The following CYRIB variants were observed in gnomAD, a reference collection of about 807,000 sequenced individuals.
CYRIB encodes CYFIP-related Rac1 interactor B.
Under a neutral mutation model 44.2 loss-of-function variants are expected in CYRIB, and 8 were observed. That is an observed-to-expected ratio of 0.18 (90% CI 0.11 to 0.33). CYRIB has a LOEUF of 0.33. Ranked by LOEUF, CYRIB falls within the 10% of genes least tolerant of loss-of-function variation. The probability of loss-of-function intolerance (pLI) is 1.00; values close to 1 mark genes in which losing one functional copy is unlikely to be tolerated. For synonymous variants in CYRIB, 131 were observed against 127.2 expected, an observed-to-expected ratio of 1.03 and a Z score of -0.20; for missense variants, 185 against 382.8, an observed-to-expected ratio of 0.48 and a Z score of 4.31.
chr8:129,928,706 A>G (rs2089545558), intron 1 of CYRIB, among the ~76,000 whole-genome samples: 1 of 152,106 alleles, frequency 6.6e-6, no homozygotes, highest in South Asian at 2.1e-4. Flanking sequence ...AATGGCTTGA[A>G]AAGATGCTCA....
intron 2 of CYRIB, among the ~76,000 whole-genome samples, chr8:129,888,561 G>A (rs2063718403): frequency 6.6e-6 from 1 of 152,134 alleles, no homozygotes. Flanking sequence ...CCTCTTCAGA[G>A]AGAATCCTTG....
intron 1 of CYRIB, among the ~76,000 whole-genome samples, chr8:129,997,164 C>A (rs960055390): frequency 1.4e-5 from 2 of 142,194 alleles, no homozygotes; most frequent in Admixed American, 1.4e-4. Flanking sequence ...AGAGGGAATA[C>A]CAAGTGATCT....
intron 1 of CYRIB, among the ~76,000 whole-genome samples, chr8:129,933,470 A>G (rs896285354): frequency 1.3e-5 from 2 of 152,176 alleles, no homozygotes; most frequent in South Asian, 2.1e-4. Context: ...AGATTAAGCT[A>G]ATAGGGTCTG....
chr8:130,009,415 C>A (rs2056655546), intron 1 of CYRIB, among the ~76,000 whole-genome samples: 1 of 151,998 alleles, frequency 6.6e-6, no homozygotes, highest in Non-Finnish European at 1.5e-5. Flanking sequence ...TTACAGGTGC[C>A]AGCCAACACG....
At chr8:129,919,256 A>G (rs2082301968) in intron 1 of CYRIB, among the ~76,000 whole-genome samples, 3 of 152,236 alleles carry the variant, frequency 2.0e-5, no homozygotes, top group African/African-American at 4.8e-5. Flanking sequence ...TATATATCTG[A>G]TATGTGGTAA....
intron 1 of CYRIB, among the ~76,000 whole-genome samples, chr8:129,931,853 CT>C (rs2091495346): frequency 6.6e-6 from 1 of 152,100 alleles, no homozygotes; most frequent in South Asian, 2.1e-4. Context: ...TCACAAACTC[CT>C]GGCCTCAAGT....
rs372815271 is a variant in CYRIB at position 129,982,707 on chromosome 8, T to C, written c.-295-11712A>G. Among the ~76,000 whole-genome samples the C allele has an allele frequency of 2.5e-3, 376 of 152,336 alleles. 1 individual carries two copies. The highest frequency in any genetic ancestry group is 8.6e-3 in the African/African-American group (358 of 41,576). On this transcript the variant is annotated intron_variant, in intron 1 of 14. Transcript: ENST00000401979. Reference sequence around the variant, plus strand: ...TCTCTAGAAGCAACTAAACCAAATATATGTCCAAATGCGAGAAAAATCTGA... The same window carrying C: ...TCTCTAGAAGCAACTAAACCAAATACATGTCCAAATGCGAGAAAAATCTGA...
chr8:129,986,415 C>T (rs2096458081), intron 1 of CYRIB, among the ~76,000 whole-genome samples: 1 of 152,162 alleles, frequency 6.6e-6, no homozygotes, highest in South Asian at 2.1e-4. Flanking sequence ...CATTTGTCCC[C>T]CTCAAAATTC....
chr8:129,993,861 CAAA>C (rs113438463), intron 1 of CYRIB, among the ~76,000 whole-genome samples: 1 of 140,788 alleles, frequency 7.1e-6, no homozygotes, highest in Non-Finnish European at 1.6e-5. Context: ...GACCCTGTCT[CAAA>C]AAAAAAAAAA....
At chr8:129,979,292 AATAAC>A (rs1428702064) in intron 1 of CYRIB, among the ~76,000 whole-genome samples, 6 of 152,150 alleles carry the variant, frequency 3.9e-5, no homozygotes, top group Admixed American at 2.6e-4. Context: ...GTGCCTTGGA[AATAAC>A]ATAACTGATT....
intron 1 of CYRIB, among the ~76,000 whole-genome samples, chr8:129,938,457 T>C (rs1057500472): frequency 7.2e-5 from 11 of 152,184 alleles, no homozygotes; most frequent in African/African-American, 2.2e-4. Context: ...ATTTTTCACA[T>C]AGAGATTAAG....
rs530925384 is a variant in CYRIB at position 130,005,266 on chromosome 8, A to T, written c.-296+11104T>A. 5.9e-5 allele frequency among the ~76,000 whole-genome samples: 9 copies of T among 152,222 alleles called. No individual in the cohort carries two copies. In the South Asian group the frequency reaches 1.9e-3, roughly 32 times the overall value. On this transcript the variant is annotated intron_variant, in intron 1 of 14. Transcript: ENST00000401979. The stretch of plus-strand genomic sequence containing the variant: ...TCTGTCTGTTAGGAACCAGCGGAAA[A>T]TCAGCCCAGCTCGGATCAGAACAGG...
chr8:129,841,829 CA>C (rs908114473), exon 12 of CYRIB: 65 of 226,422 alleles, frequency 2.9e-4, no homozygotes, highest in Admixed American at 1.1e-3. Flanking sequence ...ATATTAGTTT[CA>C]AAAAAAATCC....
At chr8:129,915,964 T>C (rs2080542477) in intron 1 of CYRIB, among the ~76,000 whole-genome samples, 3 of 152,176 alleles carry the variant, frequency 2.0e-5, no homozygotes, top group Admixed American at 6.5e-5. Context: ...ATCTCTGAAA[T>C]AGTTCAATAA....
chr8:130,011,714 T>C (rs1413397161), intron 1 of CYRIB, among the ~76,000 whole-genome samples: 2 of 151,568 alleles, frequency 1.3e-5, no homozygotes, highest in Admixed American at 6.6e-5. Context: ...GTGCCTGTAG[T>C]CCCAGCTACT....
chr8:129,896,276 T>A (rs2068004208), intron 2 of CYRIB, among the ~76,000 whole-genome samples: 1 of 152,200 alleles, frequency 6.6e-6, no homozygotes, highest in Admixed American at 6.5e-5. Flanking sequence ...TAGGTTTAGG[T>A]CAAATTAAAC....
intron 4 of CYRIB, chr8:129,868,805 T>C (rs2055295270): frequency 6.6e-6 from 1 of 151,350 alleles, no homozygotes; most frequent in Admixed American, 6.6e-5. Context: ...AAACAGACTT[T>C]AGAGAAAACA....
chr8:129,986,172 C>T (rs1353814418), intron 1 of CYRIB, among the ~76,000 whole-genome samples: 2 of 152,054 alleles, frequency 1.3e-5, no homozygotes, highest in Admixed American at 6.6e-5. Context: ...AAGATGCAAA[C>T]GAAATTCTGG....
chr8:129,996,312 A>C (rs1482637809), intron 1 of CYRIB, among the ~76,000 whole-genome samples: 2 of 152,064 alleles, frequency 1.3e-5, no homozygotes, highest in African/African-American at 4.8e-5. Context: ...ACTTCCCTAC[A>C]TCACAAGCTC....
Sources: gnomAD v4.1 joint callset for allele counts (sites outside exome capture counted in the v4.1 genomes callset) on GRCh38, gnomAD v4.1.1 for gene constraint, MANE v1.5 for transcripts, NCBI Gene and HGNC (gene_info 2026-07-23, HGNC 2026-07-21) for gene names.